Variants in GRHL2 observed in about 807,000 individuals in gnomAD.
The protein encoded by GRHL2 is grainyhead like transcription factor 2.
GRHL2 carries 21 observed loss-of-function variants against 83.8 expected under a neutral mutation model. The observed-to-expected ratio is 0.25, with a 90% CI of 0.18 to 0.36. GRHL2 has a LOEUF of 0.36. Among genes scored for constraint, GRHL2 ranks in the 10% least tolerant of loss-of-function variants. The pLI, the probability that GRHL2 is intolerant of heterozygous loss-of-function variation, is 1.00. For missense variants in GRHL2, 623 were observed against 781.8 expected (o/e 0.80, Z 2.42); for synonymous variants, 280 against 278.9 (o/e 1.00, Z -0.04).
At chr8:101,530,885 T>A (rs140942036) in intron 1 of GRHL2, among the ~76,000 whole-genome samples, 11 of 152,240 alleles carry the variant, frequency 7.2e-5, no homozygotes, top group Non-Finnish European at 1.5e-4. Context: ...TTTTTCTAAT[T>A]GTGAAAATAG....
intron 14 of GRHL2, among the ~76,000 whole-genome samples, chr8:101,652,857 C>T (rs1332863140): frequency 6.6e-6 from 1 of 152,064 alleles, no homozygotes; most frequent in Non-Finnish European, 1.5e-5. Context: ...ATACCAAGTC[C>T]ACAGTTAAAT....
intron 7 of GRHL2, among the ~76,000 whole-genome samples, chr8:101,597,305 A>G (rs759693252): frequency 1.3e-5 from 2 of 152,192 alleles, no homozygotes; most frequent in Non-Finnish European, 2.9e-5. Flanking sequence ...GGAGATAAGT[A>G]AACTGTGGCG....
intron 9 of GRHL2, among the ~76,000 whole-genome samples, chr8:101,625,213 A>G (rs1237904610): frequency 6.6e-6 from 1 of 152,052 alleles, no homozygotes; most frequent in Non-Finnish European, 1.5e-5. Flanking sequence ...AGATGAAGAG[A>G]AAGAGGGGGA....
At chr8:101,508,574 G>A (rs1161020406) in intron 1 of GRHL2, among the ~76,000 whole-genome samples, 1 of 151,998 alleles carries the variant, frequency 6.6e-6, no homozygotes, top group Non-Finnish European at 1.5e-5. Context: ...GTACGTCATT[G>A]GGTCTGAGAA....
intron 1 of GRHL2, among the ~76,000 whole-genome samples, chr8:101,496,388 G>A (rs1810106236): frequency 1.3e-5 from 2 of 151,862 alleles, no homozygotes; most frequent in South Asian, 4.2e-4. Context: ...GTTTACATTT[G>A]GCTATGCAAA....
intron 9 of GRHL2, among the ~76,000 whole-genome samples, chr8:101,631,189 A>G (rs1215909579): frequency 1.3e-5 from 2 of 152,184 alleles, no homozygotes; most frequent in African/African-American, 4.8e-5. Context: ...TTAAAGCTTA[A>G]AAGGAAAGCA....
chr8:101,509,154 C>CT (rs375674384), intron 1 of GRHL2, among the ~76,000 whole-genome samples: 4,685 of 56,712 alleles, frequency 0.083, 817 homozygotes, highest in Non-Finnish European at 0.16. Flanking sequence ...TCCTTCCTTC[C>CT]TTCCTTTCTT....
At chr8:101,567,039 T>C (rs1811733239) in intron 4 of GRHL2, among the ~76,000 whole-genome samples, 1 of 152,126 alleles carries the variant, frequency 6.6e-6, no homozygotes, top group Non-Finnish European at 1.5e-5. Flanking sequence ...AAATTGTGGC[T>C]AATCAAAGAC....
At chr8:101,614,189 T>C (rs1812809731) in intron 8 of GRHL2, among the ~76,000 whole-genome samples, 1 of 151,030 alleles carries the variant, frequency 6.6e-6, no homozygotes, top group South Asian at 2.1e-4. Context: ...TTGTCTTGGG[T>C]AGAAACCACA....
At chr8:101,503,905 AC>A (rs774922032) in intron 1 of GRHL2, among the ~76,000 whole-genome samples, 8 of 152,130 alleles carry the variant, frequency 5.3e-5, no homozygotes, top group South Asian at 2.1e-4. Context: ...AAATAAAGGT[AC>A]TTTTTTGTCT....
intron 14 of GRHL2, among the ~76,000 whole-genome samples, chr8:101,650,318 A>G (rs1350803891): frequency 6.6e-6 from 1 of 151,976 alleles, no homozygotes; most frequent in Non-Finnish European, 1.5e-5. Flanking sequence ...CTCTTTTTTG[A>G]GCTTCCTTTG....
chr8:101,524,902 T>G (rs1488323604), intron 1 of GRHL2, among the ~76,000 whole-genome samples: 1 of 152,154 alleles, frequency 6.6e-6, no homozygotes, highest in Non-Finnish European at 1.5e-5. Context: ...TTCTATGCCA[T>G]ACCATTATTT....
Position 101,546,896 on chromosome 8 carries a change from G to A in GRHL2, c.216+3460G>A, listed in dbSNP as rs73701925. 4.6e-3 allele frequency among the ~76,000 whole-genome samples: 701 copies of A among 152,256 alleles called. 5 individuals carry two copies. Among genetic ancestry groups the A allele is most frequent in the African/African-American group, 0.016 (668 of 41,564 alleles). On this transcript the variant is annotated intron_variant, in intron 2 of 15. Coordinates refer to ENST00000646743, the MANE Select transcript of GRHL2 (RefSeq NM_024915.4). ...TTCTGTAACTATTCTGAGATACCAGGTAGGGAGTTTACATAAAACTCAAGT... is the reference window on the plus strand; with the variant it reads ...TTCTGTAACTATTCTGAGATACCAGATAGGGAGTTTACATAAAACTCAAGT...
Position 101,667,712 on chromosome 8 carries a change from C to T in GRHL2, c.*1009C>T, listed in dbSNP as rs1283948341. The stretch of plus-strand genomic sequence containing the variant: ...AAGGTCATTCTGTCTGAGACCCCAG[C>T]TCCTTCTCCAGCTTTGGCTGCGGGC... On this transcript the variant is annotated 3_prime_UTR_variant, in exon 16 of 16. Transcript: ENST00000646743. 6.6e-6 allele frequency: 1 copy of T among 152,656 alleles called. No homozygotes were observed. Among genetic ancestry groups the T allele is most frequent in the Non-Finnish European group, 1.5e-5 (1 of 68,118 alleles). 9.5% of individuals were successfully genotyped at this position (152,656 alleles called of 1,614,324 possible).
chr8:101,637,964 C>T (rs1813323062), intron 12 of GRHL2, among the ~76,000 whole-genome samples: 1 of 152,188 alleles, frequency 6.6e-6, no homozygotes, highest in Non-Finnish European at 1.5e-5. Flanking sequence ...TAGTAGTCTC[C>T]TTAAAATTGG....
At chr8:101,576,068 G>A (rs1811927441) in intron 6 of GRHL2, among the ~76,000 whole-genome samples, 1 of 152,228 alleles carries the variant, frequency 6.6e-6, no homozygotes, top group African/African-American at 2.4e-5. Context: ...TCTGTTATTC[G>A]TCAGGTGCCA....
At chr8:101,581,823 C>T (rs1050365763) in intron 7 of GRHL2, among the ~76,000 whole-genome samples, 8 of 152,242 alleles carry the variant, frequency 5.3e-5, no homozygotes, top group South Asian at 4.1e-4. Context: ...AAGAGCGCTT[C>T]CCAGAGAAGT....
At chr8:101,579,722 A>C (rs1362423201) in intron 7 of GRHL2, among the ~76,000 whole-genome samples, 1 of 152,172 alleles carries the variant, frequency 6.6e-6, no homozygotes, top group African/African-American at 2.4e-5. Context: ...GTGGGTTGTA[A>C]ACACTATTTC....
chr8:101,652,617 T>TGTGTG (rs1813697276), intron 14 of GRHL2, among the ~76,000 whole-genome samples: 1 of 130,888 alleles, frequency 7.6e-6, no homozygotes, highest in African/African-American at 3.1e-5. Flanking sequence ...GTGTGTGGTG[T>TGTGTG]GTGTGTGTGT....
Sources: gnomAD v4.1 joint callset for allele counts (sites outside exome capture counted in the v4.1 genomes callset) on GRCh38, gnomAD v4.1.1 for gene constraint, MANE v1.5 for transcripts, NCBI Gene and HGNC (gene_info 2026-07-23, HGNC 2026-07-21) for gene names.